Variants in PARD3 observed in about 807,000 individuals in gnomAD.
PARD3 encodes the protein par-3 family cell polarity regulator, also known as partitioning defective 3 homolog.
In PARD3, 75 loss-of-function variants were observed where a neutral mutation model predicts 155.4. The observed-to-expected ratio is 0.48, with a 90% confidence interval of 0.40 to 0.58. The LOEUF (loss-of-function observed/expected upper bound fraction) is 0.58, where lower values mean the gene tolerates loss of function less well. Among genes scored for constraint, PARD3 ranks in the 20% least tolerant of loss-of-function variants. PARD3 has a pLI of 0.00. For synonymous variants in PARD3, 576 were observed against 610.5 expected (o/e 0.94, Z 0.83); for missense variants, 1,642 against 1,721.7 (o/e 0.95, Z 0.82).
intron 2 of PARD3, among the ~76,000 whole-genome samples, chr10:34,544,379 A>AT: frequency 6.6e-6 from 1 of 152,344 alleles, no homozygotes; most frequent in East Asian, 1.9e-4. Flanking sequence ...AATTTCCTTA[A>AT]TAATAAAAAA....
chr10:34,281,772 C>A (rs564925219), intron 21 of PARD3, among the ~76,000 whole-genome samples: 11 of 151,954 alleles, frequency 7.2e-5, no homozygotes, highest in Non-Finnish European at 1.6e-4. Flanking sequence ...CCCAGATGTA[C>A]ACAGGCAAAA....
chr10:34,608,484 A>T (rs1241260222), intron 2 of PARD3, among the ~76,000 whole-genome samples: 1 of 151,938 alleles, frequency 6.6e-6, no homozygotes. Context: ...GAATTCAACC[A>T]ATCTCAGATT....
intron 1 of PARD3, among the ~76,000 whole-genome samples, chr10:34,791,288 T>C (rs1310098187): frequency 6.6e-6 from 1 of 152,120 alleles, no homozygotes; most frequent in African/African-American, 2.4e-5. Context: ...TAGAAGCCAC[T>C]GGCCTGAGTC....
At chr10:34,745,883 G>A (rs536744005) in intron 1 of PARD3, among the ~76,000 whole-genome samples, 3 of 152,282 alleles carry the variant, frequency 2.0e-5, no homozygotes, top group South Asian at 4.1e-4. Context: ...CGCAGATCAC[G>A]AGGTCAGGAG....
At chr10:34,600,414 T>C (rs949335259) in intron 2 of PARD3, among the ~76,000 whole-genome samples, 3 of 151,944 alleles carry the variant, frequency 2.0e-5, no homozygotes, top group South Asian at 4.2e-4. Context: ...AGGAATATTG[T>C]TGTTATTTAT....
At chr10:34,458,656 C>T (rs2077461201) in intron 4 of PARD3, among the ~76,000 whole-genome samples, 1 of 152,152 alleles carries the variant, frequency 6.6e-6, no homozygotes, top group East Asian at 1.9e-4. Context: ...CTTAGATTAT[C>T]TTCTTTATCC....
chr10:34,197,647 A>G (rs1293485295), intron 22 of PARD3, among the ~76,000 whole-genome samples: 1 of 152,224 alleles, frequency 6.6e-6, no homozygotes, highest in Admixed American at 6.5e-5. Context: ...AAGTATTTTT[A>G]ACACAAGGTA....
chr10:34,206,250 C>G (rs1951475331), intron 22 of PARD3, among the ~76,000 whole-genome samples: 2 of 152,188 alleles, frequency 1.3e-5, no homozygotes, highest in South Asian at 4.1e-4. Flanking sequence ...TGGTCCAGGG[C>G]TCTAGCGCCC....
chr10:34,523,093 T>C (rs1218704395), intron 2 of PARD3, among the ~76,000 whole-genome samples: 4 of 152,166 alleles, frequency 2.6e-5, no homozygotes, highest in Non-Finnish European at 5.9e-5. Flanking sequence ...TATCTGAGGG[T>C]AATGAAGATC....
intron 1 of PARD3, among the ~76,000 whole-genome samples, chr10:34,785,755 A>G (rs1159912867): frequency 6.6e-6 from 1 of 152,204 alleles, no homozygotes; most frequent in Non-Finnish European, 1.5e-5. Flanking sequence ...CTTATAAGAC[A>G]TGGGCGGACC....
At chr10:34,519,542 G>A (rs1190768708) in intron 2 of PARD3, among the ~76,000 whole-genome samples, 2 of 152,044 alleles carry the variant, frequency 1.3e-5, no homozygotes, top group Non-Finnish European at 2.9e-5. Flanking sequence ...GGCCAGGCGC[G>A]GTGGCTCACG....
chr10:34,163,772 G>C (rs183370546), intron 22 of PARD3, among the ~76,000 whole-genome samples: 5 of 152,138 alleles, frequency 3.3e-5, no homozygotes, highest in African/African-American at 1.2e-4. Flanking sequence ...GCACCGTTAC[G>C]GGGGAACTGC....
chr10:34,585,021 CA>C (rs2087875044), intron 2 of PARD3, among the ~76,000 whole-genome samples: 1 of 152,014 alleles, frequency 6.6e-6, no homozygotes, highest in African/African-American at 2.4e-5. Context: ...TCATAAAAAA[CA>C]AAAAGAAAAC....
At chr10:34,123,152 A>C (rs2384076) in intron 23 of PARD3, among the ~76,000 whole-genome samples, 148,263 of 152,094 alleles carry the variant, frequency 0.97, 72,300 homozygotes, top group East Asian at 1. Context: ...TAAAAAAAAA[A>C]CATGGCTGCC....
At chr10:34,333,291 A>G (rs960077596) in intron 18 of PARD3, among the ~76,000 whole-genome samples, 2 of 151,260 alleles carry the variant, frequency 1.3e-5, no homozygotes, top group African/African-American at 4.9e-5. Flanking sequence ...AGCAATAAAA[A>G]CTTAAATAAT....
At chr10:34,653,856 C>T (rs1437732690) in intron 2 of PARD3, among the ~76,000 whole-genome samples, 1 of 151,530 alleles carries the variant, frequency 6.6e-6, no homozygotes, top group Non-Finnish European at 1.5e-5. Context: ...TTCCAGAAGA[C>T]CCTGAGATAG....
Position 34,569,545 on chromosome 10 carries a change from G to A in PARD3, c.223-52386C>T, listed in dbSNP as rs183149645. On this transcript the variant is annotated intron_variant, in intron 2 of 24. Transcript: ENST00000374788. ...CCATTCTCCTGCCTCAGCCTCCCGA[G>A]CAGCTGGGACTACAGGTGCCCGCCA... 2.3e-3 allele frequency among the ~76,000 whole-genome samples: 355 copies of A among 152,114 alleles called. 1 individual carries two copies. The highest frequency in any genetic ancestry group is 8.3e-3 in the African/African-American group (344 of 41,498).
At chr10:34,604,554 A>G (rs1463619481) in intron 2 of PARD3, among the ~76,000 whole-genome samples, 2 of 149,526 alleles carry the variant, frequency 1.3e-5, no homozygotes, top group East Asian at 3.9e-4. Flanking sequence ...TTAATATTTA[A>G]TAAACTCTCC....
intron 1 of PARD3, among the ~76,000 whole-genome samples, chr10:34,752,852 G>C (rs1171433041): frequency 6.6e-6 from 1 of 152,196 alleles, no homozygotes; most frequent in Non-Finnish European, 1.5e-5. Flanking sequence ...GACAGGGGCT[G>C]TGTGCGAATA....
Sources: allele counts gnomAD v4.1 joint callset (sites outside exome capture counted in the v4.1 genomes callset), GRCh38; gene constraint gnomAD v4.1.1; transcripts MANE v1.5; gene names NCBI Gene and HGNC (gene_info 2026-07-23, HGNC 2026-07-21).